DCDC1: variants seen among roughly 807,000 people sequenced by gnomAD.
DCDC1 encodes the protein doublecortin domain containing 1.
Under a neutral mutation model 178.3 loss-of-function variants are expected in DCDC1, and 200 were observed. That is an observed-to-expected ratio of 1.12 (90% CI 1.00 to 1.26). The LOEUF (loss-of-function observed/expected upper bound fraction) is 1.26, where lower values mean the gene tolerates loss of function less well. DCDC1 is among the 50% of genes most tolerant of loss of function. The pLI is 0.00. For missense variants in DCDC1, 1,983 were observed against 1,749.2 expected (o/e 1.13, Z -2.38); for synonymous variants, 690 against 604.8 (o/e 1.14, Z -2.07).
At chr11:30,980,212 T>C (rs1024161991) in intron 20 of DCDC1, among the ~76,000 whole-genome samples, 1 of 152,146 alleles carries the variant, frequency 6.6e-6, no homozygotes, top group African/African-American at 2.4e-5. Flanking sequence ...ATACATTTTG[T>C]AAAATGCAGA....
intron 20 of DCDC1, among the ~76,000 whole-genome samples, chr11:31,045,466 G>T (rs1331113352): frequency 1.3e-5 from 2 of 151,376 alleles, no homozygotes; most frequent in Non-Finnish European, 2.9e-5. Context: ...TTCCAATGTA[G>T]GCTTCTAAAT....
chr11:30,870,055 A>T (rs1324087248), intron 38 of DCDC1, among the ~76,000 whole-genome samples: 1 of 152,212 alleles, frequency 6.6e-6, no homozygotes, highest in East Asian at 1.9e-4. Context: ...GAAGTCAGAT[A>T]GGGTAAGTAA....
At chr11:31,221,784 T>C (rs1460434823) in intron 9 of DCDC1, among the ~76,000 whole-genome samples, 1 of 152,198 alleles carries the variant, frequency 6.6e-6, no homozygotes, top group East Asian at 1.9e-4. Flanking sequence ...TCCTCATTTT[T>C]TGCAATATGG....
intron 20 of DCDC1, among the ~76,000 whole-genome samples, chr11:31,017,942 C>T (rs907534764): frequency 6.6e-6 from 1 of 152,076 alleles, no homozygotes; most frequent in African/African-American, 2.4e-5. Context: ...GCAATAAGAT[C>T]GGATATGTTT....
intron 2 of DCDC1, among the ~76,000 whole-genome samples, chr11:31,330,178 G>T (rs1460770715): frequency 2.6e-5 from 4 of 152,150 alleles, no homozygotes; most frequent in Non-Finnish European, 5.9e-5. Flanking sequence ...TCATGTGTCT[G>T]TTGGCTGCAT....
chr11:30,917,173 AT>A (rs1945904078), intron 25 of DCDC1, 145 bp from the exon 26 acceptor site: 1 of 642,988 alleles, frequency 1.6e-6, no homozygotes, highest in African/African-American at 1.9e-5. Context: ...AATACTGGAA[AT>A]TCACATCTCA....
chr11:30,878,295 A>T (rs886391505), intron 38 of DCDC1, among the ~76,000 whole-genome samples: 5 of 152,066 alleles, frequency 3.3e-5, no homozygotes, highest in Non-Finnish European at 7.4e-5. Flanking sequence ...TCTAAAAAAA[A>T]TATAAATATT....
chr11:31,097,093 T>G (rs1272179208), intron 15 of DCDC1, among the ~76,000 whole-genome samples: 10 of 152,262 alleles, frequency 6.6e-5, no homozygotes, highest in East Asian at 3.8e-4. Context: ...CTTACACATA[T>G]AGGTCCTTTA....
At chr11:31,019,989 T>C (rs1952760902) in intron 20 of DCDC1, among the ~76,000 whole-genome samples, 1 of 152,092 alleles carries the variant, frequency 6.6e-6, no homozygotes, top group Non-Finnish European at 1.5e-5. Flanking sequence ...TTCCTCTTCA[T>C]CCCATCTCCC....
chr11:30,962,182 T>C (rs1374615234), intron 20 of DCDC1, among the ~76,000 whole-genome samples: 1 of 152,102 alleles, frequency 6.6e-6, no homozygotes, highest in East Asian at 1.9e-4. Context: ...GCATTATTAA[T>C]TTGCAAGCCA....
intron 1 of DCDC1, among the ~76,000 whole-genome samples, chr11:31,352,906 G>A (rs1951146408): frequency 6.6e-6 from 1 of 152,082 alleles, no homozygotes; most frequent in Non-Finnish European, 1.5e-5. Context: ...TTTTCATTTT[G>A]CCAGGTGGGA....
intron 9 of DCDC1, among the ~76,000 whole-genome samples, chr11:31,219,466 T>C (rs1591451947): frequency 2.0e-5 from 3 of 152,196 alleles, no homozygotes; most frequent in East Asian, 1.9e-4. Flanking sequence ...GTGATTCTGA[T>C]GCTGTCAGGC....
intron 36 of DCDC1, among the ~76,000 whole-genome samples, chr11:30,886,274 A>G (rs1454584197): frequency 6.6e-6 from 1 of 152,174 alleles, no homozygotes; most frequent in Non-Finnish European, 1.5e-5. Flanking sequence ...AGAAAACAGA[A>G]TAAATGTTAT....
At chr11:31,015,939 A>G (rs943648404) in intron 20 of DCDC1, among the ~76,000 whole-genome samples, 1 of 152,228 alleles carries the variant, frequency 6.6e-6, no homozygotes. Flanking sequence ...CTAACATGCA[A>G]AGGTCAAAAT....
intron 1 of DCDC1, among the ~76,000 whole-genome samples, chr11:31,353,935 C>CT (rs890231059): frequency 6.6e-6 from 1 of 152,010 alleles, no homozygotes; most frequent in Non-Finnish European, 1.5e-5. Flanking sequence ...TAAGATTTTT[C>CT]TTTTTTTTCT....
intron 10 of DCDC1, among the ~76,000 whole-genome samples, chr11:31,132,862 C>A (rs1343705328): frequency 1.3e-5 from 2 of 152,092 alleles, no homozygotes; most frequent in African/African-American, 4.8e-5. Context: ...GACAAATAAG[C>A]AGAAGGTAGC....
chr11:31,219,545 T>A (rs891432516), intron 9 of DCDC1, among the ~76,000 whole-genome samples: 1 of 152,158 alleles, frequency 6.6e-6, no homozygotes. Context: ...AATAAATAAT[T>A]GAAAGAAAGA....
chr11:30,997,343 A>C (rs1951326420), intron 20 of DCDC1, among the ~76,000 whole-genome samples: 1 of 152,220 alleles, frequency 6.6e-6, no homozygotes, highest in African/African-American at 2.4e-5. Context: ...AAGTAAAACA[A>C]AACAAAACAA....
intron 8 of DCDC1, chr11:31,263,108 G>T (rs752911745): frequency 4.0e-5 from 64 of 1,606,254 alleles, no homozygotes; most frequent in Non-Finnish European, 2.8e-5. Flanking sequence ...TACCATATTT[G>T]GGAGGAGAAA....
Sources: allele counts gnomAD v4.1 joint callset (sites outside exome capture counted in the v4.1 genomes callset), GRCh38; gene constraint gnomAD v4.1.1; transcripts MANE v1.5; gene names NCBI Gene and HGNC (gene_info 2026-07-23, HGNC 2026-07-21).